Variants in CCDC171 observed in about 807,000 individuals in gnomAD.
CCDC171 encodes the protein coiled-coil domain-containing protein 171.
A neutral mutation model predicts 168.2 loss-of-function variants in CCDC171; 177 were observed. The ratio of observed to expected loss-of-function variants is 1.05; its 90% CI spans 0.93 to 1.19. The LOEUF (loss-of-function observed/expected upper bound fraction) is 1.19. Ranked by LOEUF, CCDC171 falls within the 50% of genes most tolerant of loss-of-function variation. The pLI, the probability that CCDC171 is intolerant of heterozygous loss-of-function variation, is 0.00. For missense variants in CCDC171, 1,991 were observed against 1,539.0 expected (o/e 1.29, Z -4.91); for synonymous variants, 687 against 540.8 (o/e 1.27, Z -3.75).
At chr9:15,888,311 T>A (rs1362419658) in intron 24 of CCDC171, among the ~76,000 whole-genome samples, 1 of 151,910 alleles carries the variant, frequency 6.6e-6, no homozygotes, top group Admixed American at 6.5e-5. Context: ...TTTTGATTGA[T>A]GACCTGTTAA....
chr9:15,968,651 A>G (rs762028842), intron 25 of CCDC171, among the ~76,000 whole-genome samples: 1 of 148,368 alleles, frequency 6.7e-6, no homozygotes, highest in Non-Finnish European at 1.5e-5. Flanking sequence ...GATTCAAGCG[A>G]TTCCCCTGCC....
rs1353972712 is a variant in CCDC171, at chr9:15,578,832, C to G, written c.178-17C>G. 2.5e-6 allele frequency: 4 copies of G among 1,603,334 alleles called. No homozygotes were observed. Among genetic ancestry groups the G allele is most frequent in the Non-Finnish European group, 3.4e-6 (4 of 1,173,710 alleles). On this transcript the variant is annotated splice_polypyrimidine_tract_variant and intron_variant, in intron 3 of 25. Transcript: ENST00000380701. ...ATAATCTTTGGACACATGTTGATAT[C>G]AGGAATCTGTTTTTAGCTGGCAAGC...
At chr9:15,746,501 C>A (rs960485169) in intron 18 of CCDC171, among the ~76,000 whole-genome samples, 1 of 152,102 alleles carries the variant, frequency 6.6e-6, no homozygotes, top group African/African-American at 2.4e-5. Flanking sequence ...GGTTTGAAGT[C>A]TGAAATAAAA....
intron 7 of CCDC171, among the ~76,000 whole-genome samples, chr9:15,628,231 C>T (rs1397541579): frequency 6.6e-6 from 1 of 151,846 alleles, no homozygotes; most frequent in Non-Finnish European, 1.5e-5. Flanking sequence ...GAGGCATTGC[C>T]TTACTCGGGA....
chr9:15,743,301 A>T (rs2055023890), intron 16 of CCDC171, among the ~76,000 whole-genome samples: 1 of 151,266 alleles, frequency 6.6e-6, no homozygotes, highest in Non-Finnish European at 1.5e-5. Context: ...GAGTAGCTGT[A>T]ACTATAGGTG....
chr9:15,787,693 G>A (rs1935222), intron 21 of CCDC171, among the ~76,000 whole-genome samples: 152,306 of 152,324 alleles, frequency 1, 76,144 homozygotes, highest in Non-Finnish European at 1. Flanking sequence ...AAATGTACAT[G>A]TTATCAATTG....
chr9:15,952,559 G>A (rs557955584), intron 25 of CCDC171, among the ~76,000 whole-genome samples: 6 of 151,994 alleles, frequency 3.9e-5, no homozygotes, highest in East Asian at 1.9e-4. Flanking sequence ...CACCAAGCCC[G>A]GCTAATTTTG....
chr9:15,994,320 GCAAAC>G (rs1163726776), intron 3 of CCDC171, among the ~76,000 whole-genome samples: 4 of 152,100 alleles, frequency 2.6e-5, no homozygotes, highest in Non-Finnish European at 5.9e-5. Flanking sequence ...ATCATTCTCA[GCAAAC>G]TATTGCAAGG....
At chr9:15,594,977 T>C (rs972648639) in intron 6 of CCDC171, among the ~76,000 whole-genome samples, 4 of 152,196 alleles carry the variant, frequency 2.6e-5, no homozygotes, top group Non-Finnish European at 5.9e-5. Context: ...TATGTATTTT[T>C]TCGACACAGA....
intron 8 of CCDC171, among the ~76,000 whole-genome samples, chr9:15,662,545 T>G (rs1271712853): frequency 1.3e-5 from 2 of 152,176 alleles, no homozygotes; most frequent in Non-Finnish European, 2.9e-5. Flanking sequence ...GCATATACCA[T>G]ATTATTTCGC....
intron 3 of CCDC171, among the ~76,000 whole-genome samples, chr9:16,000,469 A>C (rs1222043525): frequency 1.3e-5 from 2 of 152,176 alleles, no homozygotes; most frequent in African/African-American, 4.8e-5. Context: ...AAAAATTTTA[A>C]TCATCTTTAA....
At chr9:16,061,405 A>C (rs1213473711), downstream of CCDC171, 1 of 152,204 alleles carries the variant, frequency 6.6e-6, no homozygotes, top group East Asian at 1.9e-4. Flanking sequence ...ATTGAGTCTT[A>C]ATCTATTAGA....
At chr9:15,726,767 T>G (rs1175865499) in intron 14 of CCDC171, among the ~76,000 whole-genome samples, 4 of 152,126 alleles carry the variant, frequency 2.6e-5, no homozygotes, top group African/African-American at 9.6e-5. Flanking sequence ...ATAGACTTTC[T>G]AAATTTTTCT....
chr9:15,969,928 G>A (rs1346071107), intron 25 of CCDC171, among the ~76,000 whole-genome samples: 2 of 152,082 alleles, frequency 1.3e-5, no homozygotes, highest in South Asian at 2.1e-4. Flanking sequence ...AGATGATCAG[G>A]CCCAGCATTA....
intron 21 of CCDC171, among the ~76,000 whole-genome samples, chr9:15,790,214 C>G (rs1020225025): frequency 6.6e-6 from 1 of 152,212 alleles, no homozygotes; most frequent in Non-Finnish European, 1.5e-5. Flanking sequence ...ACACTCCCAC[C>G]AATGGTGTAA....
intron 7 of CCDC171, among the ~76,000 whole-genome samples, chr9:15,643,124 A>G (rs934120051): frequency 1.3e-5 from 2 of 152,002 alleles, no homozygotes; most frequent in African/African-American, 4.8e-5. Context: ...TTACATGAGT[A>G]AGTTCTTTAG....
At chr9:16,030,197 G>A (rs888797844) in intron 6 of CCDC171, among the ~76,000 whole-genome samples, 4 of 152,038 alleles carry the variant, frequency 2.6e-5, no homozygotes, top group African/African-American at 9.7e-5. Context: ...TTTGAGGCAA[G>A]GTCACAAACA....
Position 15,875,196 on chromosome 9 carries a change from T to C in CCDC171, c.3600+533T>C, listed in dbSNP as rs577700280. ...TTTCTATTGAAGAGTATTTTACCCTTTAATATTTAGTTTTAGTGAACATTG... is the reference window on the plus strand; with the variant it reads ...TTTCTATTGAAGAGTATTTTACCCTCTAATATTTAGTTTTAGTGAACATTG... On this transcript the variant is annotated intron_variant, in intron 24 of 25. Transcript: ENST00000380701. 7 of 152,212 alleles carry C rather than the reference T, an allele frequency of 4.6e-5. No individual in the cohort carries two copies. In the East Asian group the frequency reaches 1.3e-3, roughly 29 times the overall value. 9.4% of individuals were successfully genotyped at this position (152,212 alleles called of 1,614,324 possible). A position where few individuals can be genotyped will look rare whatever the true frequency, so the allele number is the denominator to read the frequency against.
intron 6 of CCDC171, among the ~76,000 whole-genome samples, chr9:15,604,419 C>T (rs1261181694): frequency 1.3e-5 from 2 of 152,094 alleles, no homozygotes; most frequent in African/African-American, 2.4e-5. Context: ...GTTAATTTCA[C>T]GTATACTTTA....
Sources: allele counts gnomAD v4.1 joint callset (sites outside exome capture counted in the v4.1 genomes callset), GRCh38; gene constraint gnomAD v4.1.1; transcripts MANE v1.5; gene names NCBI Gene and HGNC (gene_info 2026-07-23, HGNC 2026-07-21).